Variants in MED31 observed in about 807,000 individuals in gnomAD.
MED31 encodes mediator complex subunit 31, also known as mediator of RNA polymerase II transcription subunit 31.
In MED31, 11 loss-of-function variants were observed where a neutral mutation model predicts 22.0. That is an observed-to-expected ratio of 0.50 (90% CI 0.31 to 0.83). The LOEUF is 0.83. Ranked by LOEUF, MED31 falls within the 40% of genes least tolerant of loss-of-function variation. The probability of loss-of-function intolerance (pLI) is 0.04; values close to 1 mark genes in which losing one functional copy is unlikely to be tolerated. For missense variants in MED31, 122 were observed against 155.3 expected, an observed-to-expected ratio of 0.79 and a Z score of 1.14; for synonymous variants, 60 against 55.1, an observed-to-expected ratio of 1.09 and a Z score of -0.40.
At chr17:6,644,946 A>C (rs2150947698) in intron 3 of MED31, among the ~76,000 whole-genome samples, 1 of 152,366 alleles carries the variant, frequency 6.6e-6, no homozygotes, top group East Asian at 1.9e-4. Context: ...AAACCATGCT[A>C]TTCCCTTCTA....
rs749654424 is a variant in MED31 at position 6,644,664 on chromosome 17, GT to G, written c.204-6del. The stretch of plus-strand genomic sequence containing the variant: ...ATGTGTAAACACTGAGGGTACCTGG[GT>G]TTAAGTTTGTAAGTGAATGAACAAC... On this transcript the variant is annotated splice_region_variant and splice_polypyrimidine_tract_variant and intron_variant, in intron 3 of 3. Transcript: ENST00000225728. 43 of 1,554,128 alleles carry G rather than the reference GT, an allele frequency of 2.8e-5. No individual in the cohort carries two copies. Among genetic ancestry groups the G allele is most frequent in the Non-Finnish European group, 3.6e-5 (42 of 1,152,498 alleles).
intron 3 of MED31, among the ~76,000 whole-genome samples, chr17:6,645,220 T>C (rs1374262627): frequency 6.6e-6 from 1 of 152,108 alleles, no homozygotes; most frequent in Non-Finnish European, 1.5e-5. Context: ...GTTATAGACA[T>C]GGAAAGGAAA....
chr17:6,650,538 G>C (rs1321724842), intron 1 of MED31, 105 bp from the exon 2 acceptor site: 1 of 1,013,766 alleles, frequency 9.9e-7, no homozygotes, highest in Non-Finnish European at 1.5e-6. Flanking sequence ...ATGTTGAGAT[G>C]GTCTTCCTAA....
In MED31 at chr17:6,643,874, G is replaced by C. The variant is rs2150947076; in HGVS notation, c.*593C>G. On this transcript the variant is annotated 3_prime_UTR_variant, in exon 4 of 4. Coordinates refer to ENST00000225728, the MANE Select transcript of MED31 (RefSeq NM_016060.3). ...GAGTCCAGTTAGTAACTAACCACTAGTTGTCCTGCCATGACTAGGTCAAGT... is the reference window on the plus strand; with the variant it reads ...GAGTCCAGTTAGTAACTAACCACTACTTGTCCTGCCATGACTAGGTCAAGT... 1 of 376,246 alleles carries C rather than the reference G, an allele frequency of 2.7e-6. No individual in the cohort carries two copies. The highest frequency in any genetic ancestry group is 1.5e-4 in the South Asian group (1 of 6,834). 23.3% of individuals were successfully genotyped at this position (376,246 alleles called of 1,614,324 possible).
intron 1 of MED31, 71 bp downstream of exon 1, chr17:6,651,430 G>A (rs1972833964): frequency 2.5e-6 from 4 of 1,597,180 alleles, no homozygotes; most frequent in Admixed American, 1.7e-5. Flanking sequence ...CCTGGAAGGA[G>A]GCCACGGGGA....
Position 6,644,408 on chromosome 17 carries a change from A to G in MED31, c.*59T>C, listed in dbSNP as rs185003770. ...AAGAGTTTTCATTTTTTTTGTCTTCACTGTACAAAAGAAATACATTATATA... is the reference window on the plus strand; with the variant it reads ...AAGAGTTTTCATTTTTTTTGTCTTCGCTGTACAAAAGAAATACATTATATA... On this transcript the variant is annotated 3_prime_UTR_variant, in exon 4 of 4. Coordinates refer to ENST00000225728, the MANE Select transcript of MED31 (RefSeq NM_016060.3). 7.1e-4 allele frequency: 1,053 copies of G among 1,476,008 alleles called. 11 individuals carry two copies. The African/African-American group carries it at 0.013, about 19-fold the overall frequency. The allele number at this position is 1,476,008 out of a possible 1,614,324, so 91.4% of individuals were successfully genotyped here. A position where few individuals can be genotyped will look rare whatever the true frequency, so the allele number is the denominator to read the frequency against.
At chr17:6,647,345 G>A (rs1177163742) in intron 3 of MED31, among the ~76,000 whole-genome samples, 1 of 152,202 alleles carries the variant, frequency 6.6e-6, no homozygotes, top group East Asian at 1.9e-4. Context: ...AGGTGTGGAG[G>A]GGCAGGCCCC....
chr17:6,646,826 A>C (rs1972773689), intron 3 of MED31, among the ~76,000 whole-genome samples: 1 of 152,208 alleles, frequency 6.6e-6, no homozygotes. Context: ...GAGTAGTGAA[A>C]GAGGGAGGCC....
intron 3 of MED31, among the ~76,000 whole-genome samples, chr17:6,647,170 G>A (rs1972777859): frequency 1.3e-5 from 2 of 152,186 alleles, no homozygotes; most frequent in African/African-American, 4.8e-5. Flanking sequence ...CGCCAAGACA[G>A]TAAAAATAAT....
intron 3 of MED31, among the ~76,000 whole-genome samples, chr17:6,646,074 C>G (rs369726271): frequency 1.3e-5 from 2 of 152,216 alleles, no homozygotes. Context: ...AAAGAAAAGA[C>G]CACTGAGATG....
chr17:6,651,557 G>A lies in MED31; in HGVS notation c.-29C>T, dbSNP rs778396026. On this transcript the variant is annotated 5_prime_UTR_variant, in exon 1 of 4. Transcript: ENST00000225728. ...AAACGAAGACACCAAAACGCCACCA[G>A]CCTGACAGAGCAAAAGCCCAGAGAC... is the stretch of plus-strand genomic sequence containing the variant. The A allele has an allele frequency of 6.2e-7, 1 of 1,613,954 alleles. No homozygotes were observed. The highest frequency in any genetic ancestry group is 1.7e-4 in the Middle Eastern group (1 of 6,060).
intron 3 of MED31, among the ~76,000 whole-genome samples, chr17:6,645,262 G>A (rs1471205183): frequency 6.6e-6 from 1 of 152,114 alleles, no homozygotes. Context: ...TTACTGAGCT[G>A]GTATTGAAAA....
In MED31 at chr17:6,644,389, T is replaced by G; in HGVS notation, c.*78A>C. The G allele has an allele frequency of 1.4e-6, 2 of 1,444,966 alleles. No individual in the cohort carries two copies. The highest frequency in any genetic ancestry group is 1.8e-6 in the Non-Finnish European group (2 of 1,093,020). The allele number at this position is 1,444,966 out of a possible 1,614,324, so 89.5% of individuals were successfully genotyped here. On this transcript the variant is annotated 3_prime_UTR_variant, in exon 4 of 4. Coordinates refer to ENST00000225728, the MANE Select transcript of MED31 (RefSeq NM_016060.3). ...CATAATAAAGGTAGATAGGAAGAGT[T>G]TTCATTTTTTTTGTCTTCACTGTAC...
Position 6,650,430 on chromosome 17 carries a change from T to C in MED31, c.32A>G (p.Asp11Gly). MAAAVAMETD[D>G]AGNRLRFQLE... ...CTGAAACCGAAGTCGATTTCCAGCA[T>C]CATCTAGGAGACAAGACAGCAAAAA... The change falls in exon 2 of 4, where the codon GAT becomes GGT. Residue 11 changes from aspartate (D) to glycine (G), a missense_variant. Asp to Gly is a moderately conservative substitution (Grantham distance 94). Transcript: ENST00000225728. The C allele has an allele frequency of 1.2e-6, 2 of 1,614,040 alleles. No homozygotes were observed. Among genetic ancestry groups the C allele is most frequent in the Non-Finnish European group, 1.7e-6 (2 of 1,179,970 alleles).
intron 3 of MED31, among the ~76,000 whole-genome samples, chr17:6,648,993 A>G (rs564164224): frequency 6.6e-6 from 1 of 152,360 alleles, no homozygotes; most frequent in Admixed American, 6.5e-5. Context: ...TCTTTGGATT[A>G]TTAAATGGAT....
At position 6,650,395 on chromosome 17, in the gene MED31, C is replaced by G; in HGVS notation, c.67G>C (p.Glu23Gln). Residue 23 changes from glutamate to glutamine, a missense_variant, in exon 2 of 4, where the codon GAA (glutamate) becomes CAA (glutamine). Coordinates refer to ENST00000225728, the MANE Select transcript of MED31 (RefSeq NM_016060.3). ...GGGTTGGCTAAACATTGCACAAATT[C>G]CAACTCCAACTGAAACCGAAGTCGA... is the stretch of plus-strand genomic sequence containing the variant. ...GNRLRFQLEL[E>Q]FVQCLANPNY... The G allele has an allele frequency of 1.9e-6, 3 of 1,614,086 alleles. No homozygotes were observed. Among genetic ancestry groups the G allele is most frequent in the Non-Finnish European group, 2.5e-6 (3 of 1,180,000 alleles).
intron 3 of MED31, 82 bp from the exon 4 acceptor site, chr17:6,644,741 C>T (rs1597631813): frequency 2.8e-6 from 4 of 1,411,806 alleles, no homozygotes; most frequent in East Asian, 2.5e-5. Context: ...CTCTTAAAAA[C>T]GATCTTGTAG....
At chr17:6,650,641 A>G (rs1250863466) in intron 1 of MED31, among the ~76,000 whole-genome samples, 1 of 152,236 alleles carries the variant, frequency 6.6e-6, no homozygotes, top group African/African-American at 2.4e-5. Context: ...TCTAAAGTTA[A>G]AGAGAAATCA....
At position 6,644,260 on chromosome 17, in the gene MED31, T is replaced by TA; in HGVS notation, c.*206dup. ...AAATGCGTAAAAAAGAAAAACACCTTACAAATCCACAGGGAAATCAAAGAA... is the reference window on the plus strand; with the variant it reads ...AAATGCGTAAAAAAGAAAAACACCTTAACAAATCCACAGGGAAATCAAAGAA... On this transcript the variant is annotated 3_prime_UTR_variant, in exon 4 of 4. Coordinates refer to ENST00000225728, the MANE Select transcript of MED31 (RefSeq NM_016060.3). 1 of 586,446 alleles carries TA rather than the reference T, an allele frequency of 1.7e-6. No individual in the cohort carries two copies. Among genetic ancestry groups the TA allele is most frequent in the Non-Finnish European group, 2.7e-6 (1 of 372,050 alleles). 36.3% of individuals were successfully genotyped at this position (586,446 alleles called of 1,614,324 possible).
Sources: gnomAD v4.1 joint callset for allele counts (sites outside exome capture counted in the v4.1 genomes callset) on GRCh38, gnomAD v4.1.1 for gene constraint, MANE v1.5 for transcripts, NCBI Gene and HGNC (gene_info 2026-07-23, HGNC 2026-07-21) for gene names.